Variants in LPO observed in about 807,000 individuals in gnomAD.
LPO encodes lactoperoxidase, also known as salivary peroxidase.
Under a neutral mutation model 68.4 loss-of-function variants are expected in LPO, and 70 were observed. The ratio of observed to expected loss-of-function variants is 1.02; its 90% CI spans 0.84 to 1.25. LPO has a LOEUF of 1.25. Ranked by LOEUF, LPO falls within the 50% of genes most tolerant of loss-of-function variation. The pLI is 0.00. For synonymous variants in LPO, 360 were observed against 357.6 expected (o/e 1.01, Z -0.08); for missense variants, 873 against 908.4 (o/e 0.96, Z 0.50).
chr17:58,247,308 T>C (rs1207831486), intron 3 of LPO, among the ~76,000 whole-genome samples, 170 bp from the exon 4 acceptor site: 1 of 152,190 alleles, frequency 6.6e-6, no homozygotes, highest in Non-Finnish European at 1.5e-5. Flanking sequence ...ATTTTAATTT[T>C]AATGAGTTTC....
Position 58,254,640 on chromosome 17 carries a change from T to C in LPO, c.1106-171T>C, listed in dbSNP as rs8178352. On this transcript the variant is annotated intron_variant, in intron 8 of 12. Transcript: ENST00000262290. ...TGTATATAGAACTGAGAGTCAAACC[T>C]ATGATTCAGTACCCCCTCCCCATCC... 1.1e-3 allele frequency: 653 copies of C among 605,862 alleles called. 7 individuals carry two copies. In the South Asian group the frequency reaches 0.013, roughly 12 times the overall value. 37.5% of individuals were successfully genotyped at this position (605,862 alleles called of 1,614,324 possible).
chr17:58,241,359 C>T (rs1440220742), intron 1 of LPO, among the ~76,000 whole-genome samples: 1 of 152,036 alleles, frequency 6.6e-6, no homozygotes, highest in Non-Finnish European at 1.5e-5. Context: ...GATCCGCCTG[C>T]CTCAGCCTCC....
chr17:58,249,413 G>T (rs1398108986), intron 5 of LPO, 153 bp from the exon 6 acceptor site: 12 of 1,223,542 alleles, frequency 9.8e-6, no homozygotes, highest in Non-Finnish European at 5.5e-6. Flanking sequence ...GCGCCTTCAG[G>T]GGGTGGGCGC....
At chr17:58,263,957 C>T (rs568983217) in intron 9 of LPO, among the ~76,000 whole-genome samples, 14 of 152,178 alleles carry the variant, frequency 9.2e-5, no homozygotes, top group Admixed American at 2.0e-4. Context: ...TGGCTGCCTG[C>T]TGTTGCTGAG....
intron 3 of LPO, 37 bp from the exon 4 acceptor site, chr17:58,247,441 G>A (rs1969871653): frequency 2.0e-6 from 3 of 1,531,086 alleles, no homozygotes; most frequent in Middle Eastern, 2.2e-4. Context: ...CCTTCCTACA[G>A]GGTCCAGGCC....
At chr17:58,253,789 G>A (rs1970009194) in intron 8 of LPO, among the ~76,000 whole-genome samples, 1 of 152,178 alleles carries the variant, frequency 6.6e-6, no homozygotes, top group Admixed American at 6.5e-5. Context: ...ATAAAAATAT[G>A]CACTCACACC....
rs942846320 is a variant in LPO, at chr17:58,263,737, C to CA, written c.1267-974dup. ...CCTGGGTGACAAAGTGAGACCCTGT[C>CA]AAAAAAAAAAAGCACTTCATTTTAG... On this transcript the variant is annotated intron_variant, in intron 9 of 12. Coordinates refer to ENST00000262290, the MANE Select transcript of LPO (RefSeq NM_006151.3). Among the ~76,000 whole-genome samples, 442 of 140,408 alleles carry CA rather than the reference C, an allele frequency of 3.1e-3. 1 individual carries two copies. The highest frequency in any genetic ancestry group is 9.8e-3 in the African/African-American group (375 of 38,320). 92.1% of individuals were successfully genotyped at this position (140,408 alleles called of 152,430 possible).
At chr17:58,259,892 G>T (rs1970143517) in intron 9 of LPO, among the ~76,000 whole-genome samples, 2 of 152,116 alleles carry the variant, frequency 1.3e-5, no homozygotes, top group Non-Finnish European at 2.9e-5. Flanking sequence ...CACGATCTCG[G>T]CTCACTGCAA....
At chr17:58,238,901 A>G (rs1381404955) in intron 1 of LPO, among the ~76,000 whole-genome samples, 162 bp downstream of exon 1, 1 of 152,144 alleles carries the variant, frequency 6.6e-6, no homozygotes, top group Non-Finnish European at 1.5e-5. Context: ...CTTGTTTGGT[A>G]TAAGAGAGAA....
chr17:58,243,096 C>CA, intron 2 of LPO, 41 bp downstream of exon 2: 1 of 1,566,158 alleles, frequency 6.4e-7, no homozygotes. Context: ...GCTGCTGTCA[C>CA]AAAGCACACC....
chr17:58,262,841 T>A (rs1391492549), intron 9 of LPO, among the ~76,000 whole-genome samples: 1 of 152,262 alleles, frequency 6.6e-6, no homozygotes, highest in Non-Finnish European at 1.5e-5. Context: ...GATTCATTCA[T>A]CTTCTTGAAT....
In LPO at chr17:58,250,325, A is replaced by C. The variant is rs182955999; in HGVS notation, c.574-90A>C. 181 of 1,002,318 alleles carry C rather than the reference A, an allele frequency of 1.8e-4. 1 individual carries two copies. The Admixed American group carries it at 3.1e-3, about 17-fold the overall frequency. The allele number at this position is 1,002,318 out of a possible 1,614,324, so 62.1% of individuals were successfully genotyped here. ...TGTAGGGATTAAGTGCACTTGTAAC[A>C]TGGTAGGTAGTTAATAAGCTGTAGT... On this transcript the variant is annotated intron_variant, in intron 6 of 12. Transcript: ENST00000262290.
Position 58,247,629 on chromosome 17 carries a change from A to AATGTCACAGGTACAGAAAACC in LPO, c.317_325+12dup. 1.9e-6 allele frequency: 3 copies of AATGTCACAGGTACAGAAAACC among 1,613,614 alleles called. No homozygotes were observed. The highest frequency in any genetic ancestry group is 2.5e-6 in the Non-Finnish European group (3 of 1,179,674). On this transcript the variant is annotated inframe_insertion, in exon 4 of 13. Transcript: ENST00000262290. ...ACTGAGGCAGAAGGCATCCTTGACC[A>AATGTCACAGGTACAGAAAACC]ATGTCACAGGTACAGAAAACCCACC...
chr17:58,255,885 A>G (rs1027166990), intron 9 of LPO, among the ~76,000 whole-genome samples: 2 of 152,154 alleles, frequency 1.3e-5, no homozygotes, highest in African/African-American at 2.4e-5. Context: ...GTGTGTGTGT[A>G]TGTGTCTGCA....
chr17:58,252,289 G>A lies in LPO; in HGVS notation c.888G>A (p.Gln296=), dbSNP rs1218006008. The change falls in exon 8 of 13, where the codon CAG becomes CAA. Residue 296 remains glutamine, a synonymous_variant. Transcript: ENST00000262290. ...CCTACAAGTCCCTGGCCCGAGAGCA[G>A]ATCAACGCTCTGACCTCCTTCCTGG... is the stretch of plus-strand genomic sequence containing the variant. ...TPPYKSLARE[Q]INALTSFLDA... 1 of 1,614,200 alleles carries A rather than the reference G, an allele frequency of 6.2e-7. No individual in the cohort carries two copies. The highest frequency in any genetic ancestry group is 1.7e-5 in the Admixed American group (1 of 60,032).
chr17:58,247,871 T>C (rs953602046), intron 4 of LPO, among the ~76,000 whole-genome samples: 1 of 152,234 alleles, frequency 6.6e-6, no homozygotes, highest in Non-Finnish European at 1.5e-5. Context: ...CAAGCTCACA[T>C]GGCCGACTCC....
rs142241126 is a variant in LPO, at chr17:58,243,018, C to T, written c.39C>T (p.Ser13=). ...VLLHLPALLA[S]LILLQAAAST... ...TCCATCTCCCAGCCCTCCTGGCTTC[C>T]CTCATCTTGCTTCAGGCTGCAGCAT... is the stretch of plus-strand genomic sequence containing the variant. The change falls in exon 2 of 13, where the codon TCC becomes TCT. Residue 13 remains serine, a synonymous_variant. Coordinates refer to ENST00000262290, the MANE Select transcript of LPO (RefSeq NM_006151.3). 10 of 1,614,094 alleles carry T rather than the reference C, an allele frequency of 6.2e-6. No homozygotes were observed. The South Asian group carries it at 1.1e-4, about 18-fold the overall frequency.
At chr17:58,266,624 AT>A (rs546490914) in intron 11 of LPO, among the ~76,000 whole-genome samples, 47 of 147,040 alleles carry the variant, frequency 3.2e-4, no homozygotes, top group African/African-American at 5.0e-4. Flanking sequence ...TGCCCAGCTT[AT>A]TTTTTTTTTT....
rs187463061 is a variant in LPO, at chr17:58,254,563, C to T, written c.1106-248C>T. 7.6e-5 allele frequency: 28 copies of T among 367,626 alleles called. No individual in the cohort carries two copies. In the East Asian group the frequency reaches 1.1e-3, roughly 15 times the overall value. 22.8% of individuals were successfully genotyped at this position (367,626 alleles called of 1,614,324 possible). ...TTCTCATTTTCATAGGTAAGGAGAC[C>T]GAGGCTCAGAAGTGTTAAGTAACTT... On this transcript the variant is annotated intron_variant, in intron 8 of 12. Coordinates refer to ENST00000262290, the MANE Select transcript of LPO (RefSeq NM_006151.3).
Sources: allele counts gnomAD v4.1 joint callset (sites outside exome capture counted in the v4.1 genomes callset), GRCh38; gene constraint gnomAD v4.1.1; transcripts MANE v1.5; gene names NCBI Gene and HGNC (gene_info 2026-07-23, HGNC 2026-07-21).